CSMD1: variants seen among roughly 807,000 people sequenced by gnomAD.
CSMD1 encodes CUB and sushi domain-containing protein 1.
CSMD1 carries 213 observed loss-of-function variants against 417.5 expected under a neutral mutation model. That is an observed-to-expected ratio of 0.51 (90% CI 0.46 to 0.57). CSMD1 has a LOEUF of 0.57. Among genes scored for constraint, CSMD1 ranks in the 20% least tolerant of loss-of-function variants. The pLI is 0.00. For missense variants in CSMD1, 6,923 were observed against 4,529.7 expected (o/e 1.53, Z -15.17); for synonymous variants, 2,862 against 1,736.8 (o/e 1.65, Z -16.11).
intron 5 of CSMD1, among the ~76,000 whole-genome samples, chr8:3,805,953 CCTT>C (rs893013533): frequency 6.6e-6 from 1 of 152,280 alleles, no homozygotes; most frequent in African/African-American, 2.4e-5. Context: ...TTGAAAGGCT[CCTT>C]CTTCTTCCGT....
chr8:4,239,975 A>G (rs1802292803), intron 3 of CSMD1, among the ~76,000 whole-genome samples: 1 of 152,248 alleles, frequency 6.6e-6, no homozygotes, highest in Non-Finnish European at 1.5e-5. Flanking sequence ...CTCTTTTACC[A>G]GTGATTTCTT....
At chr8:4,390,895 C>T (rs994644422) in intron 3 of CSMD1, among the ~76,000 whole-genome samples, 3 of 152,084 alleles carry the variant, frequency 2.0e-5, no homozygotes, top group Non-Finnish European at 4.4e-5. Flanking sequence ...GTCCTTAGTC[C>T]CCCAAAATGT....
At chr8:4,559,158 T>G (rs1301301441) in intron 2 of CSMD1, among the ~76,000 whole-genome samples, 3 of 152,184 alleles carry the variant, frequency 2.0e-5, no homozygotes, top group African/African-American at 7.2e-5. Context: ...CAAGATCTGG[T>G]CTTTGTATTA....
chr8:4,271,860 T>A (rs1358924034), intron 3 of CSMD1, among the ~76,000 whole-genome samples: 1 of 152,158 alleles, frequency 6.6e-6, no homozygotes, highest in African/African-American at 2.4e-5. Context: ...GCACAGTGCA[T>A]TCCACGATGC....
At chr8:3,120,492 T>C (rs2129020113) in intron 41 of CSMD1, among the ~76,000 whole-genome samples, 1 of 152,292 alleles carries the variant, frequency 6.6e-6, no homozygotes, top group South Asian at 2.1e-4. Flanking sequence ...TGAGGTTTCG[T>C]TATTATCCAT....
At chr8:3,645,760 A>G (rs1397003195) in intron 7 of CSMD1, among the ~76,000 whole-genome samples, 4 of 152,246 alleles carry the variant, frequency 2.6e-5, no homozygotes, top group African/African-American at 7.2e-5. Context: ...TTAGGTTATT[A>G]TAAGAAAAGG....
intron 1 of CSMD1, among the ~76,000 whole-genome samples, chr8:4,990,513 G>C (rs368774262): frequency 6.6e-6 from 1 of 152,098 alleles, no homozygotes; most frequent in Non-Finnish European, 1.5e-5. Context: ...ACAGGCATGC[G>C]CCACCACGCC....
At position 4,181,990 on chromosome 8, in the gene CSMD1, T is replaced by C. The variant is rs558941505; in HGVS notation, c.416-149891A>G. On this transcript the variant is annotated intron_variant, in intron 3 of 69. Transcript: ENST00000635120. ...TGTGTGTGTGATGTGTGTGTAATGT[T>C]TACATTTTTAAGTACACAGAAACTC... Among the ~76,000 whole-genome samples the C allele has an allele frequency of 4.8e-5, 7 of 144,848 alleles. No homozygotes were observed. The South Asian group carries it at 1.6e-3, about 32-fold the overall frequency.
At chr8:3,592,482 G>T (rs1258608831) in intron 8 of CSMD1, among the ~76,000 whole-genome samples, 1 of 152,146 alleles carries the variant, frequency 6.6e-6, no homozygotes, top group Admixed American at 6.5e-5. Flanking sequence ...TGACATTCAA[G>T]CCTGGATTTG....
rs558833508 is a variant in CSMD1 at position 3,584,750 on chromosome 8, C to G, written c.1222+1386G>C. 2.0e-5 allele frequency among the ~76,000 whole-genome samples: 3 copies of G among 152,182 alleles called. No homozygotes were observed. In the South Asian group the frequency reaches 6.2e-4, roughly 32 times the overall value. On this transcript the variant is annotated intron_variant, in intron 9 of 69. Coordinates refer to ENST00000635120, the MANE Select transcript of CSMD1 (RefSeq NM_033225.6). ...AAAGTGAACTTTAAAAATAATGAAGCCTATTTCCCGGATATAAGAGCAAGA... is the reference window on the plus strand; with the variant it reads ...AAAGTGAACTTTAAAAATAATGAAGGCTATTTCCCGGATATAAGAGCAAGA...
intron 5 of CSMD1, among the ~76,000 whole-genome samples, chr8:3,847,220 G>C (rs1405406341): frequency 6.6e-6 from 1 of 152,052 alleles, no homozygotes; most frequent in Non-Finnish European, 1.5e-5. Context: ...TTACATTACA[G>C]GGCAAAGGTG....
intron 2 of CSMD1, among the ~76,000 whole-genome samples, chr8:4,560,257 C>G (rs554593334): frequency 2.2e-4 from 34 of 152,354 alleles, no homozygotes; most frequent in South Asian, 4.1e-4. Flanking sequence ...AGTAATTTCA[C>G]AAAGCCCCTG....
At chr8:3,463,147 G>A (rs371706336) in intron 12 of CSMD1, among the ~76,000 whole-genome samples, 19 of 152,190 alleles carry the variant, frequency 1.2e-4, no homozygotes, top group South Asian at 4.2e-4. Context: ...ATTCTGTTAC[G>A]GCAACCTGAA....
intron 1 of CSMD1, among the ~76,000 whole-genome samples, chr8:4,913,350 C>G (rs1805830569): frequency 6.6e-6 from 1 of 152,318 alleles, no homozygotes; most frequent in East Asian, 1.9e-4. Context: ...ACCTCTGTCC[C>G]TTAAAATGTT....
At chr8:4,842,192 T>C (rs1381207554) in intron 1 of CSMD1, among the ~76,000 whole-genome samples, 1 of 152,134 alleles carries the variant, frequency 6.6e-6, no homozygotes, top group Non-Finnish European at 1.5e-5. Context: ...AAAAGAATTG[T>C]AGCTGTAAAC....
intron 46 of CSMD1, among the ~76,000 whole-genome samples, chr8:3,104,291 C>T (rs1815969714): frequency 6.6e-6 from 1 of 152,154 alleles, no homozygotes; most frequent in Non-Finnish European, 1.5e-5. Context: ...ATTGTTGCTC[C>T]TGGAAGATGG....
chr8:4,925,810 G>T (rs182038294), intron 1 of CSMD1, among the ~76,000 whole-genome samples: 1 of 152,140 alleles, frequency 6.6e-6, no homozygotes, highest in East Asian at 1.9e-4. Context: ...GCCTCCCAAA[G>T]TGTTGGGATT....
chr8:3,963,240 T>A (rs554851517), intron 5 of CSMD1, among the ~76,000 whole-genome samples: 5 of 152,162 alleles, frequency 3.3e-5, no homozygotes, highest in African/African-American at 1.2e-4. Context: ...CCTCAGTGTT[T>A]TGAATATTGT....
chr8:4,939,513 G>C (rs547101617), intron 1 of CSMD1, among the ~76,000 whole-genome samples: 6 of 152,292 alleles, frequency 3.9e-5, no homozygotes, highest in African/African-American at 1.4e-4. Context: ...GAATGAAACA[G>C]ACATCACATT....
Sources: gnomAD v4.1 joint callset for allele counts (sites outside exome capture counted in the v4.1 genomes callset) on GRCh38, gnomAD v4.1.1 for gene constraint, MANE v1.5 for transcripts, NCBI Gene and HGNC (gene_info 2026-07-23, HGNC 2026-07-21) for gene names.